RBFOX1: variants seen among roughly 807,000 people sequenced by gnomAD.
RBFOX1 encodes RNA binding protein fox-1 homolog 1.
RBFOX1 carries 8 observed loss-of-function variants against 57.7 expected under a neutral mutation model. The ratio of observed to expected loss-of-function variants is 0.14; its 90% CI spans 0.08 to 0.25. RBFOX1 has a LOEUF of 0.25. RBFOX1 is among the 10% of genes least tolerant of loss of function. RBFOX1 has a pLI of 1.00. For synonymous variants in RBFOX1, 326 were observed against 222.4 expected (o/e 1.47, Z -4.15); for missense variants, 611 against 548.5 (o/e 1.11, Z -1.14).
intron 2 of RBFOX1, among the ~76,000 whole-genome samples, chr16:6,542,020 C>T (rs1385373733): frequency 6.6e-6 from 1 of 151,748 alleles, no homozygotes; most frequent in Non-Finnish European, 1.5e-5. Context: ...GATCATAGCT[C>T]ACTGCAGCCT....
chr16:6,766,520 C>G (rs182285168), intron 3 of RBFOX1, among the ~76,000 whole-genome samples: 3 of 151,990 alleles, frequency 2.0e-5, no homozygotes, highest in Non-Finnish European at 4.4e-5. Flanking sequence ...CGGAATAGCA[C>G]TGTCCAATAG....
intron 4 of RBFOX1, among the ~76,000 whole-genome samples, chr16:5,929,599 C>G (rs1007771316): frequency 6.6e-6 from 1 of 152,202 alleles, no homozygotes; most frequent in African/African-American, 2.4e-5. Flanking sequence ...ACTATTAATG[C>G]TGGTAACAAT....
At chr16:5,859,367 C>A (rs1320376979) in intron 3 of RBFOX1, among the ~76,000 whole-genome samples, 1 of 152,208 alleles carries the variant, frequency 6.6e-6, no homozygotes, top group Non-Finnish European at 1.5e-5. Context: ...CAATCTCCAA[C>A]TCTAAGCCAG....
chr16:6,966,761 G>GTCTATCTATCTA (rs57023399), intron 3 of RBFOX1, among the ~76,000 whole-genome samples: 1 of 149,124 alleles, frequency 6.7e-6, no homozygotes, highest in Non-Finnish European at 1.5e-5. Context: ...CTGTCTGTCT[G>GTCTATCTATCTA]TCTATCTATC....
At chr16:6,618,804 C>A (rs751939540) in intron 2 of RBFOX1, among the ~76,000 whole-genome samples, 2 of 152,136 alleles carry the variant, frequency 1.3e-5, no homozygotes, top group Non-Finnish European at 2.9e-5. Flanking sequence ...AGTCCGTCTG[C>A]GTGCCTGTGC....
chr16:7,029,079 TATACACACACACAC>T (rs1485091398), intron 3 of RBFOX1, among the ~76,000 whole-genome samples: 2 of 37,008 alleles, frequency 5.4e-5, no homozygotes, highest in African/African-American at 3.3e-4. Context: ...TATATATATA[TATACACACACACAC>T]ACACACACAC....
chr16:7,532,789 C>T (rs754635561), intron 5 of RBFOX1, among the ~76,000 whole-genome samples: 1 of 152,198 alleles, frequency 6.6e-6, no homozygotes, highest in Non-Finnish European at 1.5e-5. Context: ...ATGATGACAG[C>T]AACTTTGAGT....
At chr16:7,462,768 A>G (rs983861224) in intron 4 of RBFOX1, among the ~76,000 whole-genome samples, 2 of 152,218 alleles carry the variant, frequency 1.3e-5, no homozygotes, top group Non-Finnish European at 2.9e-5. Flanking sequence ...CCTGGCCTTC[A>G]GAAGCTGCCC....
chr16:6,296,656 G>A (rs2078151029), intron 1 of RBFOX1, among the ~76,000 whole-genome samples: 1 of 152,164 alleles, frequency 6.6e-6, no homozygotes, highest in Non-Finnish European at 1.5e-5. Flanking sequence ...TCCTGACCTT[G>A]TGATCCACCT....
intron 3 of RBFOX1, among the ~76,000 whole-genome samples, chr16:7,009,374 C>G (rs779162944): frequency 8.6e-5 from 13 of 151,182 alleles, no homozygotes; most frequent in Admixed American, 2.0e-4. Context: ...GAATTAGAAG[C>G]ACCTTAAAAT....
intron 1 of RBFOX1, among the ~76,000 whole-genome samples, chr16:6,213,994 T>TC (rs1312000083): frequency 6.6e-6 from 1 of 152,180 alleles, no homozygotes; most frequent in Non-Finnish European, 1.5e-5. Context: ...TTGACAAATG[T>TC]CCCCTGGGAA....
chr16:7,073,493 C>T (rs548443413), intron 4 of RBFOX1, among the ~76,000 whole-genome samples: 4 of 152,184 alleles, frequency 2.6e-5, no homozygotes, highest in African/African-American at 7.2e-5. Context: ...CCCTACAATT[C>T]GTTCTATGTA....
chr16:7,071,206 T>G (rs1162474017), intron 4 of RBFOX1, among the ~76,000 whole-genome samples: 1 of 152,140 alleles, frequency 6.6e-6, no homozygotes, highest in Non-Finnish European at 1.5e-5. Context: ...GGAATTAGAT[T>G]ATTCTAAAAG....
At chr16:6,985,827 T>G (rs187748954) in intron 3 of RBFOX1, among the ~76,000 whole-genome samples, 113 of 20,230 alleles carry the variant, frequency 5.6e-3, no homozygotes, top group Non-Finnish European at 7.7e-3. Flanking sequence ...GAGCGTGAGT[T>G]CATGTAAAAA....
intron 1 of RBFOX1, among the ~76,000 whole-genome samples, chr16:6,066,108 A>C (rs1314489351): frequency 6.6e-6 from 1 of 151,984 alleles, no homozygotes; most frequent in Non-Finnish European, 1.5e-5. Flanking sequence ...CTGCTGGCCA[A>C]CACGGTGAAA....
intron 3 of RBFOX1, among the ~76,000 whole-genome samples, chr16:6,861,281 G>T (rs889696821): frequency 1.3e-5 from 2 of 152,102 alleles, no homozygotes; most frequent in Non-Finnish European, 2.9e-5. Flanking sequence ...TTGCAAAAGG[G>T]TTTTATACAA....
intron 4 of RBFOX1, among the ~76,000 whole-genome samples, chr16:7,496,596 G>C (rs1317624990): frequency 6.6e-6 from 1 of 151,932 alleles, no homozygotes; most frequent in African/African-American, 2.4e-5. Flanking sequence ...CCCCCAAAGT[G>C]TGTGTTCAAG....
At chr16:5,666,497 G>C (rs954877099) in intron 3 of RBFOX1, among the ~76,000 whole-genome samples, 1 of 152,150 alleles carries the variant, frequency 6.6e-6, no homozygotes, top group East Asian at 1.9e-4. Flanking sequence ...TAGAGCGATG[G>C]ACAAGACAGA....
chr16:6,852,977 C>G (rs959389627), intron 3 of RBFOX1, among the ~76,000 whole-genome samples: 1 of 152,152 alleles, frequency 6.6e-6, no homozygotes, highest in African/African-American at 2.4e-5. Flanking sequence ...ACCATGTGAG[C>G]CCAGCACCCT....
Sources: allele counts gnomAD v4.1 joint callset (sites outside exome capture counted in the v4.1 genomes callset), GRCh38; gene constraint gnomAD v4.1.1; transcripts MANE v1.5; gene names NCBI Gene and HGNC (gene_info 2026-07-23, HGNC 2026-07-21).